The following HEMK2 variants were observed in gnomAD, a reference collection of about 807,000 sequenced individuals.
The protein encoded by HEMK2 is methyltransferase HEMK2.
the HEMK2 span, among the ~76,000 whole-genome samples, chr21:28,667,215 T>C: frequency 2.0e-5 from 3 of 152,330 alleles, no homozygotes; most frequent in Admixed American, 1.3e-4. Flanking sequence ...CTGTATCTCA[T>C]TGTCATGAAC....
the HEMK2 span, among the ~76,000 whole-genome samples, chr21:28,669,086 G>A: frequency 2.0e-5 from 3 of 152,188 alleles, no homozygotes; most frequent in African/African-American, 7.2e-5. Flanking sequence ...TGGGCTGGGT[G>A]CAGTGGTTCA....
At chr21:28,606,557 G>A in the HEMK2 span, among the ~76,000 whole-genome samples, 7 of 152,066 alleles carry the variant, frequency 4.6e-5, no homozygotes, top group Non-Finnish European at 7.4e-5. Flanking sequence ...AAAAAAATGG[G>A]AAAAAACTGT....
the HEMK2 span, among the ~76,000 whole-genome samples, chr21:28,778,279 G>C: frequency 6.6e-6 from 1 of 152,184 alleles, no homozygotes; most frequent in African/African-American, 2.4e-5. Context: ...CATCCAAGTT[G>C]TCGAATGTAT....
chr21:28,819,269 G>C, the HEMK2 span, among the ~76,000 whole-genome samples: 1 of 145,008 alleles, frequency 6.9e-6, no homozygotes, highest in Non-Finnish European at 1.5e-5. Context: ...AAACTACACA[G>C]CAACCATGCA....
At chr21:28,658,161 C>T in the HEMK2 span, among the ~76,000 whole-genome samples, 1 of 151,954 alleles carries the variant, frequency 6.6e-6, no homozygotes, top group Admixed American at 6.6e-5. Flanking sequence ...GTATTTGGCT[C>T]TAACACCAAA....
the HEMK2 span, among the ~76,000 whole-genome samples, chr21:28,869,427 A>G: frequency 6.6e-6 from 1 of 151,966 alleles, no homozygotes; most frequent in Admixed American, 6.6e-5. Flanking sequence ...TTCCTTTCTT[A>G]TATAACCCTT....
the HEMK2 span, among the ~76,000 whole-genome samples, chr21:28,645,650 A>C: frequency 6.6e-6 from 1 of 152,156 alleles, no homozygotes; most frequent in Non-Finnish European, 1.5e-5. Context: ...CTTTATCACC[A>C]ATGCAATGAT....
At chr21:28,666,579 T>G in the HEMK2 span, among the ~76,000 whole-genome samples, 1 of 152,136 alleles carries the variant, frequency 6.6e-6, no homozygotes, top group Non-Finnish European at 1.5e-5. Flanking sequence ...GATGATTAGA[T>G]CTACTACTGG....
At chr21:28,863,270 T>C in the HEMK2 span, among the ~76,000 whole-genome samples, 13 of 151,572 alleles carry the variant, frequency 8.6e-5, no homozygotes, top group Admixed American at 3.9e-4. Flanking sequence ...TCTCCCATGC[T>C]GGATGCTTCC....
chr21:28,737,278 C>T, the HEMK2 span, among the ~76,000 whole-genome samples: 1 of 152,262 alleles, frequency 6.6e-6, no homozygotes, highest in South Asian at 2.1e-4. Flanking sequence ...GTGTGAACCA[C>T]CCCACCGAGG....
chr21:28,672,547 C>A, the HEMK2 span, among the ~76,000 whole-genome samples: 1 of 152,080 alleles, frequency 6.6e-6, no homozygotes, highest in South Asian at 2.1e-4. Flanking sequence ...GGGGCCTGAG[C>A]TGAATTTCTC....
the HEMK2 span, among the ~76,000 whole-genome samples, chr21:28,659,964 T>C: frequency 2.0e-5 from 3 of 152,094 alleles, no homozygotes; most frequent in Non-Finnish European, 2.9e-5. Context: ...GCTTTCTATT[T>C]ATTAGATCCT....
chr21:28,629,638 C>A, the HEMK2 span, among the ~76,000 whole-genome samples: 1 of 152,196 alleles, frequency 6.6e-6, no homozygotes, highest in African/African-American at 2.4e-5. Flanking sequence ...AATGTACATT[C>A]TTAAAGCCTT....
the HEMK2 span, among the ~76,000 whole-genome samples, chr21:28,641,951 C>G: frequency 6.6e-6 from 1 of 152,168 alleles, no homozygotes; most frequent in African/African-American, 2.4e-5. Context: ...TCAACAATGT[C>G]TACTGCAAAT....
chr21:28,799,679 A>C, the HEMK2 span, among the ~76,000 whole-genome samples: 1 of 152,220 alleles, frequency 6.6e-6, no homozygotes. Context: ...GGATTTCATC[A>C]ACCATATTAG....
the HEMK2 span, among the ~76,000 whole-genome samples, chr21:28,764,430 T>A: frequency 3.3e-5 from 5 of 151,888 alleles, no homozygotes; most frequent in Admixed American, 6.6e-5. Context: ...CAAAAGAAGA[T>A]GATAACAAGA....
chr21:28,762,793 A>G, the HEMK2 span, among the ~76,000 whole-genome samples: 1 of 152,100 alleles, frequency 6.6e-6, no homozygotes, highest in Admixed American at 6.6e-5. Flanking sequence ...TGCAGGTGCC[A>G]TGCTCTTCCC....
At chr21:28,814,020 G>A in the HEMK2 span, among the ~76,000 whole-genome samples, 9 of 152,192 alleles carry the variant, frequency 5.9e-5, no homozygotes, top group East Asian at 7.7e-4. Flanking sequence ...AGCGGATCAC[G>A]AGGTCAGGAG....
At chr21:28,758,203 G>T in the HEMK2 span, among the ~76,000 whole-genome samples, 1 of 152,154 alleles carries the variant, frequency 6.6e-6, no homozygotes, top group African/African-American at 2.4e-5. Flanking sequence ...TAGCTGGTCA[G>T]TTATTTGCTG....
Sources: gnomAD v4.1 joint callset for allele counts (sites outside exome capture counted in the v4.1 genomes callset) on GRCh38, gnomAD v4.1.1 for gene constraint, MANE v1.5 for transcripts, NCBI Gene and HGNC (gene_info 2026-07-23, HGNC 2026-07-21) for gene names.